Variants in LPIN1 observed in about 807,000 individuals in gnomAD.
LPIN1 encodes the protein phosphatidate phosphatase LPIN1.
In LPIN1, 71 loss-of-function variants were observed where a neutral mutation model predicts 107.5. The observed-to-expected ratio is 0.66, with a 90% CI of 0.55 to 0.80. The LOEUF (loss-of-function observed/expected upper bound fraction) is 0.80. Ranked by LOEUF, LPIN1 falls within the 30% of genes least tolerant of loss-of-function variation. LPIN1 has a pLI of 0.00. For missense variants in LPIN1, 1,043 were observed against 1,160.6 expected (o/e 0.90, Z 1.47); for synonymous variants, 445 against 452.6 (o/e 0.98, Z 0.21).
intron 1 of LPIN1, among the ~76,000 whole-genome samples, chr2:11,725,934 A>T (rs1436012235): frequency 6.6e-6 from 1 of 152,216 alleles, no homozygotes; most frequent in Non-Finnish European, 1.5e-5. Context: ...CTCTCATCTC[A>T]AAGGGCGGGA....
At chr2:11,725,766 C>T (rs1664577191) in intron 1 of LPIN1, among the ~76,000 whole-genome samples, 1 of 152,190 alleles carries the variant, frequency 6.6e-6, no homozygotes, top group South Asian at 2.1e-4. Flanking sequence ...TGGTCTGACA[C>T]TCTGAGGCTC....
chr2:11,783,752 G>A, intron 8 of LPIN1, 77 bp from the exon 9 acceptor site: 3 of 1,197,392 alleles, frequency 2.5e-6, no homozygotes, highest in Non-Finnish European at 3.8e-6. Flanking sequence ...GTGTTTAAAT[G>A]CTGTTTCTAT....
chr2:11,805,870 G>T (rs1289031364), intron 17 of LPIN1, among the ~76,000 whole-genome samples: 1 of 152,180 alleles, frequency 6.6e-6, no homozygotes, highest in Non-Finnish European at 1.5e-5. Context: ...TCAGAGCCCT[G>T]CAGGGATTCT....
chr2:11,757,144 C>T (rs914477953), intron 1 of LPIN1, among the ~76,000 whole-genome samples: 1 of 152,124 alleles, frequency 6.6e-6, no homozygotes, highest in Non-Finnish European at 1.5e-5. Context: ...AGATTAAAGT[C>T]AGTAGGTTTG....
At chr2:11,741,292 C>A in intron 1 of LPIN1, 1 of 1,240,694 alleles carries the variant, frequency 8.1e-7, no homozygotes, top group Non-Finnish European at 1.1e-6. Flanking sequence ...CATTTTCATT[C>A]TCGAGAGACA....
At chr2:11,748,917 G>A (rs781248347) in intron 1 of LPIN1, among the ~76,000 whole-genome samples, 4 of 152,238 alleles carry the variant, frequency 2.6e-5, no homozygotes, top group Middle Eastern at 3.4e-3. Flanking sequence ...CTGGTGGTTC[G>A]ACCTGTTTGC....
At chr2:11,808,585 A>T (rs757213259) in intron 17 of LPIN1, among the ~76,000 whole-genome samples, 7 of 152,158 alleles carry the variant, frequency 4.6e-5, no homozygotes, top group Non-Finnish European at 7.4e-5. Flanking sequence ...TGAAAAAGCC[A>T]ATCTTCAGCT....
Position 11,771,803 on chromosome 2 carries a change from A to AAAAAGGTTGGGGACC in LPIN1, c.596+125_596+126insAAAGGTTGGGGACCA. ...TATGTGTTTTAGACCAGTGGTCCCC[A>AAAAAGGTTGGGGACC]ACCTTTTTGGCACTAGGGACCAGTT... On this transcript the variant is annotated intron_variant, in intron 4 of 20. Transcript: ENST00000674199. The surrounding 1 kb of genome is among the most constrained non-coding windows in gnomAD (Gnocchi z 4.8). The AAAAAGGTTGGGGACC allele has an allele frequency of 9.3e-7, 1 of 1,070,884 alleles. No individual in the cohort carries two copies. The highest frequency in any genetic ancestry group is 1.3e-6 in the Non-Finnish European group (1 of 745,992). The allele number at this position is 1,070,884 out of a possible 1,614,324, so 66.3% of individuals were successfully genotyped here. A position where few individuals can be genotyped will look rare whatever the true frequency, so the allele number is the denominator to read the frequency against.
chr2:11,774,891 C>A lies in LPIN1; in HGVS notation c.722+1146C>A, dbSNP rs1228670402. ...GAGGTCTTCCTGCGTCAGAGCCTAGCCCTGTTCAATAGAAACGTAATAACT... is the reference window on the plus strand; with the variant it reads ...GAGGTCTTCCTGCGTCAGAGCCTAGACCTGTTCAATAGAAACGTAATAACT... On this transcript the variant is annotated intron_variant, in intron 5 of 20. Transcript: ENST00000674199. The surrounding 1 kb of genome is among the most constrained non-coding windows in gnomAD (Gnocchi z 4.4). Among the ~76,000 whole-genome samples the A allele has an allele frequency of 6.6e-6, 1 of 151,654 alleles. No homozygotes were observed. The highest frequency in any genetic ancestry group is 6.6e-5 in the Admixed American group (1 of 15,244).
chr2:11,736,271 G>C (rs925128332), intron 1 of LPIN1, among the ~76,000 whole-genome samples: 1 of 152,214 alleles, frequency 6.6e-6, no homozygotes, highest in Non-Finnish European at 1.5e-5. Context: ...AGGCTGGGTG[G>C]CTTAAAAGAC....
chr2:11,687,754 G>A (rs1662079899), intron 1 of LPIN1, among the ~76,000 whole-genome samples: 1 of 152,216 alleles, frequency 6.6e-6, no homozygotes, highest in Admixed American at 6.5e-5. Context: ...CTCAAAAGTA[G>A]CCAAGCTCAC....
intron 1 of LPIN1, among the ~76,000 whole-genome samples, chr2:11,687,225 C>T (rs6432229): frequency 0.44 from 66,109 of 151,760 alleles, 15,613 homozygotes; most frequent in African/African-American, 0.63. Flanking sequence ...CTTGAACTAC[C>T]GTCTTCAAGT....
intron 18 of LPIN1, chr2:11,817,746 G>A (rs1439130992): frequency 6.6e-6 from 1 of 152,182 alleles, no homozygotes; most frequent in Non-Finnish European, 1.5e-5. Flanking sequence ...GGCTAACACG[G>A]TGAAACCCTG....
In LPIN1 at chr2:11,795,409, A is replaced by C; in HGVS notation, c.1808A>C (p.Glu603Ala). The C allele has an allele frequency of 6.2e-7, 1 of 1,613,556 alleles. No homozygotes were observed. Among genetic ancestry groups the C allele is most frequent in the Non-Finnish European group, 8.5e-7 (1 of 1,179,684 alleles). ...WRGRNTTIKEESKPEQCLAGK... is the reference protein window; with the variant it reads ...WRGRNTTIKEASKPEQCLAGK... ...ACTCTTTCTTTTCTTCTTTTCTAGG[A>C]AAGTAAGCCAGAGCAGTGCTTGGCT... Residue 603 changes from glutamate to alanine, a missense_variant and splice_region_variant, in exon 14 of 21, where the codon GAA (glutamate) becomes GCA (alanine). Transcript: ENST00000674199.
upstream of LPIN1, chr2:11,721,585 T>A (rs187885228): frequency 6.6e-5 from 10 of 152,254 alleles, no homozygotes; most frequent in East Asian, 1.5e-3. Flanking sequence ...GTCTCTATCC[T>A]CACTGTTCTA....
intron 1 of LPIN1, among the ~76,000 whole-genome samples, chr2:11,701,779 G>A (rs966273339): frequency 2.0e-5 from 3 of 152,210 alleles, no homozygotes; most frequent in African/African-American, 2.4e-5. Flanking sequence ...TAACCAGTCC[G>A]ATTCTAAAGC....
Position 11,771,550 on chromosome 2 carries a change from G to A in LPIN1, c.467G>A (p.Arg156Lys). 2 of 1,614,062 alleles carry A rather than the reference G, an allele frequency of 1.2e-6. No individual in the cohort carries two copies. Among genetic ancestry groups the A allele is most frequent in the Non-Finnish European group, 1.7e-6 (2 of 1,179,970 alleles). ...PSSSSVVKKR[R>K]KRRRKSQLDS... Reference sequence around the variant, plus strand: ...AGCAGCTCTGTAGTAAAGAAGAGAAGAAAAAGGAGGAGAAAGTCACAGCTG... The same window carrying A: ...AGCAGCTCTGTAGTAAAGAAGAGAAAAAAAAGGAGGAGAAAGTCACAGCTG... The change falls in exon 4 of 21, where the codon AGA (arginine) becomes AAA (lysine). Residue 156 changes from arginine to lysine, a missense_variant. By Grantham distance (26) the Arg-to-Lys change is conservative. Coordinates refer to ENST00000674199, the MANE Select transcript of LPIN1 (RefSeq NM_001349206.2). The surrounding 1 kb of genome is among the most constrained non-coding windows in gnomAD (Gnocchi z 4.8).
At chr2:11,781,667 T>A (rs1461470965) in intron 7 of LPIN1, among the ~76,000 whole-genome samples, 1 of 152,220 alleles carries the variant, frequency 6.6e-6, no homozygotes, top group African/African-American at 2.4e-5. Context: ...ACATTGTAAA[T>A]GTATAGCTCA....
Position 11,765,704 on chromosome 2 carries a change from A to T in LPIN1, c.163A>T (p.Met55Leu). 1 of 1,612,258 alleles carries T rather than the reference A, an allele frequency of 6.2e-7. No homozygotes were observed. The highest frequency in any genetic ancestry group is 1.1e-5 in the South Asian group (1 of 91,006). Residue 55 changes from methionine to leucine, a missense_variant, in exon 2 of 21, where the codon ATG (methionine) becomes TTG (leucine). Coordinates refer to ENST00000674199, the MANE Select transcript of LPIN1 (RefSeq NM_001349206.2). This position sits in a 1 kb window ranked among gnomAD's most constrained non-coding sequence, Gnocchi z 4.4. ...CSPFHVRFGK[M>L]GVLRSREKVV... ...CCCTTTCCACGTCCGCTTTGGGAAG[A>T]TGGGGGTCCTGCGCTCCCGAGAGAA...
Sources: gnomAD v4.1 joint callset for allele counts (sites outside exome capture counted in the v4.1 genomes callset) on GRCh38, gnomAD v4.1.1 for gene constraint, Gnocchi (gnomAD v3.1) non-coding constraint, MANE v1.5 for transcripts, NCBI Gene and HGNC (gene_info 2026-07-23, HGNC 2026-07-21) for gene names.